Variants in IL23R observed in about 807,000 individuals in gnomAD.
IL23R encodes the protein interleukin-23 receptor.
A neutral mutation model predicts 56.9 loss-of-function variants in IL23R; 34 were observed. That is an observed-to-expected ratio of 0.60 (90% CI 0.45 to 0.80). IL23R has a LOEUF of 0.80. Ranked by LOEUF, IL23R falls within the 30% of genes least tolerant of loss-of-function variation. The pLI, the probability that IL23R is intolerant of heterozygous loss-of-function variation, is 0.00. For missense variants in IL23R, 635 were observed against 730.0 expected (o/e 0.87, Z 1.50); for synonymous variants, 230 against 249.2 (o/e 0.92, Z 0.73).
intron 3 of IL23R, among the ~76,000 whole-genome samples, chr1:67,177,385 T>G (rs1431783521): frequency 6.6e-6 from 1 of 152,228 alleles, no homozygotes; most frequent in Non-Finnish European, 1.5e-5. Flanking sequence ...TGAGCATTTT[T>G]TCATGTGTCT....
intron 3 of IL23R, among the ~76,000 whole-genome samples, chr1:67,176,340 G>C (rs1363172746): frequency 6.6e-6 from 1 of 152,156 alleles, no homozygotes; most frequent in Non-Finnish European, 1.5e-5. Flanking sequence ...GCAAGGTAAG[G>C]TAGTAGGGAT....
intron 4 of IL23R, among the ~76,000 whole-genome samples, chr1:67,194,004 T>C (rs2102608221): frequency 6.6e-6 from 1 of 152,336 alleles, no homozygotes; most frequent in Non-Finnish European, 1.5e-5. Flanking sequence ...GAGTGTCTCA[T>C]AGAACTCAGG....
intron 1 of IL23R, among the ~76,000 whole-genome samples, chr1:67,149,169 C>G (rs1646707095): frequency 6.6e-6 from 1 of 152,176 alleles, no homozygotes; most frequent in Non-Finnish European, 1.5e-5. Flanking sequence ...TTCCTGTCAT[C>G]AGTTAGTCCA....
At position 67,209,721 on chromosome 1, in the gene IL23R, T is replaced by A. The variant is rs1030290259; in HGVS notation, c.798+2666T>A. On this transcript the variant is annotated intron_variant, in intron 6 of 10. Coordinates refer to ENST00000347310, the MANE Select transcript of IL23R (RefSeq NM_144701.3). ...GTACCCAGTGTTTAGCTCCCACTCA[T>A]AAGTGAGAACATGTGGTATTTGATT... is the stretch of plus-strand genomic sequence containing the variant. Among the ~76,000 whole-genome samples, 15 of 152,358 alleles carry A rather than the reference T, an allele frequency of 9.8e-5. No homozygotes were observed. In the South Asian group the frequency reaches 2.1e-3, roughly 21 times the overall value.
intron 6 of IL23R, among the ~76,000 whole-genome samples, chr1:67,216,750 G>A (rs746111850): frequency 1.3e-5 from 2 of 152,122 alleles, no homozygotes; most frequent in African/African-American, 2.4e-5. Flanking sequence ...ACAAAACCAA[G>A]TATTTATTCT....
chr1:67,176,902 A>G (rs1255996403), intron 3 of IL23R, among the ~76,000 whole-genome samples: 1 of 151,978 alleles, frequency 6.6e-6, no homozygotes, highest in African/African-American at 2.4e-5. Context: ...TTTGCTGAGA[A>G]TGATGGTTTC....
At chr1:67,226,057 A>G (rs929673840) in intron 7 of IL23R, among the ~76,000 whole-genome samples, 1 of 152,196 alleles carries the variant, frequency 6.6e-6, no homozygotes, top group East Asian at 1.9e-4. Flanking sequence ...TGGCTCATCT[A>G]TTCTGCCAAG....
chr1:67,247,440 G>A (rs796585716), intron 9 of IL23R, among the ~76,000 whole-genome samples: 5 of 152,178 alleles, frequency 3.3e-5, no homozygotes, highest in African/African-American at 1.2e-4. Flanking sequence ...TAGTAGCTGG[G>A]ATTACAGGCA....
At position 67,222,102 on chromosome 1, in the gene IL23R, C is replaced by CT. The variant is rs72241835; in HGVS notation, c.955+2400dup. 4.1e-3 allele frequency among the ~76,000 whole-genome samples: 239 copies of CT among 58,832 alleles called. 9 individuals are homozygous for CT. Among genetic ancestry groups the CT allele is most frequent in the East Asian group, 0.013 (21 of 1,650 alleles). 38.6% of individuals were successfully genotyped at this position (58,832 alleles called of 152,430 possible). On this transcript the variant is annotated intron_variant, in intron 7 of 10. Transcript: ENST00000347310. ...TCCTTTTCTCTTTCTTTCTTTCTTTCTTTTTTTTTTTTTTTTTTTTTTTTT... is the reference window on the plus strand; with the variant it reads ...TCCTTTTCTCTTTCTTTCTTTCTTTCTTTTTTTTTTTTTTTTTTTTTTTTTT...
chr1:67,174,672 T>TA (rs1646986228), intron 3 of IL23R, among the ~76,000 whole-genome samples: 2 of 152,034 alleles, frequency 1.3e-5, no homozygotes, highest in South Asian at 4.1e-4. Context: ...TTTCTATACT[T>TA]AAAAAAATCT....
At chr1:67,145,785 G>C (rs562523565) in intron 1 of IL23R, among the ~76,000 whole-genome samples, 3 of 152,224 alleles carry the variant, frequency 2.0e-5, no homozygotes, top group South Asian at 4.2e-4. Flanking sequence ...TTACAAAATG[G>C]CCCCTAATGA....
At chr1:67,177,104 A>T (rs145389555) in intron 3 of IL23R, among the ~76,000 whole-genome samples, 3,205 of 152,302 alleles carry the variant, frequency 0.021, 99 homozygotes, top group African/African-American at 0.073. Context: ...TTACAGCAGC[A>T]TGATTTATAA....
chr1:67,200,187 C>T (rs1434840987), intron 4 of IL23R, among the ~76,000 whole-genome samples: 1 of 151,820 alleles, frequency 6.6e-6, no homozygotes, highest in Non-Finnish European at 1.5e-5. Context: ...CTACAGGCAC[C>T]TGCCACCACG....
chr1:67,145,957 T>C (rs971387349), intron 1 of IL23R, among the ~76,000 whole-genome samples: 1 of 152,194 alleles, frequency 6.6e-6, no homozygotes, highest in South Asian at 2.1e-4. Flanking sequence ...TCTCTCCTTT[T>C]GGGATATTTG....
intron 3 of IL23R, among the ~76,000 whole-genome samples, chr1:67,172,374 C>T (rs1646953996): frequency 6.6e-6 from 1 of 152,102 alleles, no homozygotes; most frequent in Non-Finnish European, 1.5e-5. Flanking sequence ...TCATTGCTTT[C>T]CTTGAAAAGC....
At chr1:67,224,147 A>G (rs1298710406) in intron 7 of IL23R, among the ~76,000 whole-genome samples, 1 of 152,222 alleles carries the variant, frequency 6.6e-6, no homozygotes, top group African/African-American at 2.4e-5. Context: ...TCTGGAGAAG[A>G]CACACAGTAA....
At chr1:67,199,148 T>C (rs920485960) in intron 4 of IL23R, among the ~76,000 whole-genome samples, 3 of 152,254 alleles carry the variant, frequency 2.0e-5, no homozygotes, top group African/African-American at 7.2e-5. Flanking sequence ...ACTTACATGA[T>C]ACAGTCCTGA....
In IL23R at chr1:67,236,798, T is replaced by C; in HGVS notation, c.1041T>C (p.Thr347=). ...TVASISTGHL[T]SDNRGDIGLL... ...CTTCCATCTCTACAGGGCACCTTACTTCTGGTAAGAAAATACAACTTAGGC... is the reference window on the plus strand; with the variant it reads ...CTTCCATCTCTACAGGGCACCTTACCTCTGGTAAGAAAATACAACTTAGGC... Residue 347 remains threonine (T), a synonymous_variant, in exon 8 of 11, where the codon ACT becomes ACC. Transcript: ENST00000347310. 6.2e-7 allele frequency: 1 copy of C among 1,600,624 alleles called. No individual in the cohort carries two copies. The highest frequency in any genetic ancestry group is 2.2e-5 in the East Asian group (1 of 44,776).
chr1:67,162,430 T>C (rs1412635555), upstream of IL23R, among the ~76,000 whole-genome samples: 1 of 151,960 alleles, frequency 6.6e-6, no homozygotes, highest in Non-Finnish European at 1.5e-5. Flanking sequence ...GAGTTTGCAG[T>C]GAGCCGAGAT....
Sources: gnomAD v4.1 joint callset for allele counts (sites outside exome capture counted in the v4.1 genomes callset) on GRCh38, gnomAD v4.1.1 for gene constraint, MANE v1.5 for transcripts, NCBI Gene and HGNC (gene_info 2026-07-23, HGNC 2026-07-21) for gene names.